Variants in ZBTB20 observed in about 807,000 individuals in gnomAD.
ZBTB20 encodes the protein zinc finger and BTB domain containing 20.
A neutral mutation model predicts 56.9 loss-of-function variants in ZBTB20; 9 were observed. That is an observed-to-expected ratio of 0.16 (90% CI 0.10 to 0.28). The LOEUF (loss-of-function observed/expected upper bound fraction) is 0.28. Ranked by LOEUF, ZBTB20 falls within the 10% of genes least tolerant of loss-of-function variation. ZBTB20 has a pLI of 1.00. For synonymous variants in ZBTB20, 417 were observed against 420.7 expected (o/e 0.99, Z 0.11); for missense variants, 655 against 1,003.0 (o/e 0.65, Z 4.69).
In ZBTB20 at chr3:114,326,806, A is replaced by G. The variant is rs1469779006; in HGVS notation, c.*12199T>C. The G allele has an allele frequency of 6.6e-6, 1 of 152,208 alleles. No homozygotes were observed. Among genetic ancestry groups the G allele is most frequent in the Admixed American group, 6.5e-5 (1 of 15,288 alleles). 9.4% of individuals were successfully genotyped at this position (152,208 alleles called of 1,614,324 possible). A position where few individuals can be genotyped will look rare whatever the true frequency, so the allele number is the denominator to read the frequency against. On this transcript the variant is annotated 3_prime_UTR_variant, in exon 12 of 12. Transcript: ENST00000675478. ...CACTTTCTTTGAAGGAATTGCATCTATGCACACTTATCCTGAAGTCCAGTG... is the reference window on the plus strand; with the variant it reads ...CACTTTCTTTGAAGGAATTGCATCTGTGCACACTTATCCTGAAGTCCAGTG...
chr3:114,372,652 ATC>A (rs1234202184), intron 10 of ZBTB20, among the ~76,000 whole-genome samples: 2 of 151,930 alleles, frequency 1.3e-5, no homozygotes, highest in Non-Finnish European at 2.9e-5. Context: ...ACATGATCAA[ATC>A]TCACCTCTAA....
intron 8 of ZBTB20, chr3:114,388,071 C>G (rs2085379963): frequency 6.6e-6 from 1 of 152,186 alleles, no homozygotes; most frequent in Non-Finnish European, 1.5e-5. Flanking sequence ...CTACCTGAAG[C>G]CTAAGAGGGA....
At chr3:114,888,954 C>A (rs1053895246) in intron 4 of ZBTB20, among the ~76,000 whole-genome samples, 1 of 151,862 alleles carries the variant, frequency 6.6e-6, no homozygotes, top group African/African-American at 2.4e-5. Flanking sequence ...AATTTTTTTA[C>A]CTTTAAAAAG....
intron 4 of ZBTB20, among the ~76,000 whole-genome samples, chr3:114,821,006 T>C (rs1218984557): frequency 2.0e-5 from 3 of 152,172 alleles, no homozygotes; most frequent in Non-Finnish European, 2.9e-5. Flanking sequence ...CCCAAGTAAC[T>C]GTAACCAGCA....
rs1029234300 is a variant in ZBTB20, at chr3:114,968,377, T to C, written c.-456+5989A>G. Among the ~76,000 whole-genome samples, 57 of 152,192 alleles carry C rather than the reference T, an allele frequency of 3.7e-4. 1 individual carries two copies. Among genetic ancestry groups the C allele is most frequent in the African/African-American group, 1.4e-3 (57 of 41,454 alleles). On this transcript the variant is annotated intron_variant, in intron 3 of 11. Coordinates refer to ENST00000675478, the MANE Select transcript of ZBTB20 (RefSeq NM_001348800.3). ...AAAAAACTGATTATTTGTGAGTAAT[T>C]TGACAAATGCATCTAATATAAACTG... is the stretch of plus-strand genomic sequence containing the variant.
In ZBTB20 at chr3:114,876,784, C is replaced by T. The variant is rs892462357; in HGVS notation, c.-417+23520G>A. ...TAGCCAACCATCTGTTCCTTACCAA[C>T]TTCGAGGCTTAGTTCAGTTCCACTT... On this transcript the variant is annotated intron_variant, in intron 4 of 11. Coordinates refer to ENST00000675478, the MANE Select transcript of ZBTB20 (RefSeq NM_001348800.3). Among the ~76,000 whole-genome samples the T allele has an allele frequency of 2.0e-5, 3 of 152,316 alleles. No individual in the cohort carries two copies. The East Asian group carries it at 5.8e-4, about 29-fold the overall frequency.
intron 2 of ZBTB20, among the ~76,000 whole-genome samples, chr3:114,989,014 A>G (rs963497424): frequency 6.6e-6 from 1 of 152,012 alleles, no homozygotes; most frequent in African/African-American, 2.4e-5. Flanking sequence ...CTTTGTCAGA[A>G]GAGTAGATTG....
intron 2 of ZBTB20, among the ~76,000 whole-genome samples, chr3:115,019,290 A>T (rs1361987146): frequency 6.6e-6 from 1 of 151,250 alleles, no homozygotes; most frequent in East Asian, 2.0e-4. Context: ...GATCATATTC[A>T]GGGGTTGTTT....
Position 114,324,206 on chromosome 3 carries a change from G to C in ZBTB20, c.*14799C>G, listed in dbSNP as rs1034103174. On this transcript the variant is annotated 3_prime_UTR_variant, in exon 12 of 12. Coordinates refer to ENST00000675478, the MANE Select transcript of ZBTB20 (RefSeq NM_001348800.3). ...AAATCAAGGGTATTATTTAGAAGAGGAAAACAGCTATTTAATGTAAAGGTC... is the reference window on the plus strand; with the variant it reads ...AAATCAAGGGTATTATTTAGAAGAGCAAAACAGCTATTTAATGTAAAGGTC... 4 of 152,162 alleles carry C rather than the reference G, an allele frequency of 2.6e-5. No homozygotes were observed. The highest frequency in any genetic ancestry group is 5.9e-5 in the Non-Finnish European group (4 of 68,024). The allele number at this position is 152,162 out of a possible 1,614,324, so 9.4% of individuals were successfully genotyped here.
intron 6 of ZBTB20, among the ~76,000 whole-genome samples, chr3:114,635,390 T>C (rs975453031): frequency 6.6e-6 from 1 of 152,006 alleles, no homozygotes; most frequent in Non-Finnish European, 1.5e-5. Context: ...ACTTCAAATA[T>C]ACAGATCACA....
At chr3:114,498,877 G>T (rs2109627314) in intron 7 of ZBTB20, among the ~76,000 whole-genome samples, 1 of 152,252 alleles carries the variant, frequency 6.6e-6, no homozygotes, top group Middle Eastern at 3.4e-3. Context: ...TGTGTCTGAG[G>T]CTCGCCCTAT....
At chr3:114,517,632 T>C (rs1418999896) in intron 6 of ZBTB20, among the ~76,000 whole-genome samples, 1 of 151,802 alleles carries the variant, frequency 6.6e-6, no homozygotes, top group East Asian at 1.9e-4. Context: ...GCTGAAGTGC[T>C]GTGACACGAT....
intron 5 of ZBTB20, among the ~76,000 whole-genome samples, chr3:114,794,853 T>A (rs775878849): frequency 6.6e-6 from 1 of 152,138 alleles, no homozygotes; most frequent in African/African-American, 2.4e-5. Context: ...GATGATTTAT[T>A]TTCAAGGTTT....
rs1001895292 is a variant in ZBTB20 at position 114,331,827 on chromosome 3, CTTG to C, written c.*7175_*7177del. Reference sequence around the variant, plus strand: ...TCTAACCAGAAGTTCAAAAATGTATCTTGTTGTCACTGGGCAATATGAATGTGA... The same window carrying C: ...TCTAACCAGAAGTTCAAAAATGTATCTTGTCACTGGGCAATATGAATGTGA... On this transcript the variant is annotated 3_prime_UTR_variant, in exon 12 of 12. Coordinates refer to ENST00000675478, the MANE Select transcript of ZBTB20 (RefSeq NM_001348800.3). 4 of 152,266 alleles carry C rather than the reference CTTG, an allele frequency of 2.6e-5. No individual in the cohort carries two copies. The highest frequency in any genetic ancestry group is 9.6e-5 in the African/African-American group (4 of 41,538). 9.4% of individuals were successfully genotyped at this position (152,266 alleles called of 1,614,324 possible). A position where few individuals can be genotyped will look rare whatever the true frequency, so the allele number is the denominator to read the frequency against.
At chr3:114,679,675 C>A (rs1308301906) in intron 6 of ZBTB20, among the ~76,000 whole-genome samples, 1 of 152,118 alleles carries the variant, frequency 6.6e-6, no homozygotes, top group African/African-American at 2.4e-5. Context: ...AATGCTTTTA[C>A]ACTGTTTGTG....
chr3:114,346,015 C>A (rs2080157039), intron 11 of ZBTB20, among the ~76,000 whole-genome samples: 1 of 152,124 alleles, frequency 6.6e-6, no homozygotes, highest in South Asian at 2.1e-4. Context: ...AGTTTCCTTT[C>A]TCACAACTTT....
At chr3:114,988,563 G>A (rs1341974701) in intron 2 of ZBTB20, among the ~76,000 whole-genome samples, 4 of 152,040 alleles carry the variant, frequency 2.6e-5, no homozygotes, top group African/African-American at 4.8e-5. Context: ...ATAAGCATAC[G>A]TGTGCATGTG....
chr3:114,753,727 C>A (rs1387855901), intron 5 of ZBTB20, among the ~76,000 whole-genome samples: 2 of 152,028 alleles, frequency 1.3e-5, no homozygotes, highest in East Asian at 1.9e-4. Flanking sequence ...AGCTACCACA[C>A]CCAGCCACAT....
chr3:114,711,131 C>T lies in ZBTB20; in HGVS notation c.-342-17556G>A, dbSNP rs1560156033. Among the ~76,000 whole-genome samples the T allele has an allele frequency of 1.3e-5, 2 of 152,152 alleles. 1 individual carries two copies. Among genetic ancestry groups the T allele is most frequent in the Non-Finnish European group, 2.9e-5 (2 of 68,036 alleles). The stretch of plus-strand genomic sequence containing the variant: ...AAATAGCACTTTCTAAATTATATAT[C>T]CCTATTTTCTACCTCCTTATTATGC... On this transcript the variant is annotated intron_variant, in intron 5 of 11. Coordinates refer to ENST00000675478, the MANE Select transcript of ZBTB20 (RefSeq NM_001348800.3).
Sources: gnomAD v4.1 joint callset for allele counts (sites outside exome capture counted in the v4.1 genomes callset) on GRCh38, gnomAD v4.1.1 for gene constraint, MANE v1.5 for transcripts, NCBI Gene and HGNC (gene_info 2026-07-23, HGNC 2026-07-21) for gene names.